The following CELF4 variants were observed in gnomAD, a reference collection of about 807,000 sequenced individuals.
The protein encoded by CELF4 is CUGBP Elav-like family member 4, also known as CUG-BP- and ETR-3-like factor 4.
In CELF4, 18 loss-of-function variants were observed where a neutral mutation model predicts 59.9. The ratio of observed to expected loss-of-function variants is 0.30; its 90% CI spans 0.21 to 0.45. CELF4 has a LOEUF of 0.45. Ranked by LOEUF, CELF4 falls within the 20% of genes least tolerant of loss-of-function variation. The probability of loss-of-function intolerance (pLI) is 1.00; values close to 1 mark genes in which losing one functional copy is unlikely to be tolerated. For synonymous variants in CELF4, 261 were observed against 267.1 expected (o/e 0.98, Z 0.22); for missense variants, 456 against 689.0 (o/e 0.66, Z 3.79).
At chr18:37,470,877 T>TGAGAGAGA (rs1569569550) in intron 2 of CELF4, among the ~76,000 whole-genome samples, 3 of 96,990 alleles carry the variant, frequency 3.1e-5, no homozygotes, top group Non-Finnish European at 6.3e-5. Flanking sequence ...TGTGTGTGTG[T>TGAGAGAGA]GTGTGTGTGT....
At chr18:37,527,447 G>GTAAAC (rs2099965184) in intron 1 of CELF4, among the ~76,000 whole-genome samples, 2 of 151,976 alleles carry the variant, frequency 1.3e-5, no homozygotes, top group African/African-American at 4.8e-5. Flanking sequence ...AAGAAGTTGG[G>GTAAAC]GTAATCAAGG....
chr18:37,535,685 C>T lies in CELF4; in HGVS notation c.286+29671G>A, dbSNP rs150662289. ...ATAGTAAGCAGCCACGTTCTGAACA[C>T]GGGATTCAAGCCAGCCCTGAGCACC... On this transcript the variant is annotated intron_variant, in intron 1 of 12. Transcript: ENST00000420428. Among the ~76,000 whole-genome samples the T allele has an allele frequency of 5.0e-3, 754 of 152,228 alleles. 15 individuals carry two copies. The highest frequency in any genetic ancestry group is 0.043 in the South Asian group (208 of 4,812).
intron 2 of CELF4, among the ~76,000 whole-genome samples, chr18:37,479,761 A>T (rs977809300): frequency 6.6e-6 from 1 of 152,104 alleles, no homozygotes; most frequent in Non-Finnish European, 1.5e-5. Context: ...TTCCCCTCAC[A>T]AGATGCTGAA....
intron 2 of CELF4, among the ~76,000 whole-genome samples, chr18:37,334,193 C>T (rs1450651788): frequency 1.3e-5 from 2 of 152,208 alleles, no homozygotes; most frequent in Non-Finnish European, 1.5e-5. Context: ...TTTCTAGCCC[C>T]AACTCATCTC....
rs554856655 is a variant in CELF4, at chr18:37,434,415, G to T, written c.369+51110C>A. Among the ~76,000 whole-genome samples the T allele has an allele frequency of 1.8e-3, 270 of 152,296 alleles. 2 individuals carry two copies. Among genetic ancestry groups the T allele is most frequent in the Middle Eastern group, 6.8e-3 (2 of 294 alleles). ...CCGGAAGCCCAGAGCTAATTCTGCG[G>T]CTTGTTGGTCAGGGGCTGGTACCAG... On this transcript the variant is annotated intron_variant, in intron 2 of 12. Transcript: ENST00000420428.
intron 1 of CELF4, among the ~76,000 whole-genome samples, chr18:37,520,353 G>A (rs770163260): frequency 5.3e-5 from 8 of 152,162 alleles, no homozygotes; most frequent in Non-Finnish European, 1.0e-4. Context: ...GAAGGCGTGA[G>A]TTAAATAGGG....
intron 11 of CELF4, among the ~76,000 whole-genome samples, chr18:37,255,761 C>G (rs564340901): frequency 2.3e-4 from 35 of 152,136 alleles, no homozygotes; most frequent in Non-Finnish European, 3.7e-4. Flanking sequence ...GACAAGGTAG[C>G]CTGACTATGG....
At chr18:37,273,984 C>CA (rs1398416758) in intron 6 of CELF4, 6 of 1,173,172 alleles carry the variant, frequency 5.1e-6, no homozygotes, top group Non-Finnish European at 5.3e-6. Flanking sequence ...CTCACCCTCT[C>CA]ATCTGTGCTT....
At chr18:37,338,439 G>A (rs559854058) in intron 2 of CELF4, among the ~76,000 whole-genome samples, 61 of 142,758 alleles carry the variant, frequency 4.3e-4, no homozygotes, top group African/African-American at 1.8e-3. Flanking sequence ...CTCTGTCACT[G>A]TCACCACTGT....
At chr18:37,264,392 C>G (rs149868155) in intron 10 of CELF4, among the ~76,000 whole-genome samples, 3 of 152,258 alleles carry the variant, frequency 2.0e-5, no homozygotes, top group African/African-American at 7.2e-5. Flanking sequence ...AGGAAAGGTG[C>G]CTCGTGTGGG....
chr18:37,275,289 G>T, intron 3 of CELF4, 46 bp from the exon 4 acceptor site: 1 of 1,609,488 alleles, frequency 6.2e-7, no homozygotes, highest in East Asian at 2.2e-5. Context: ...GGACCGGGCT[G>T]CGCGGGAGCA....
chr18:37,331,839 G>A (rs1273315294), intron 2 of CELF4, among the ~76,000 whole-genome samples: 2 of 152,222 alleles, frequency 1.3e-5, no homozygotes, highest in South Asian at 2.1e-4. Flanking sequence ...GCAAGTCGCC[G>A]AGGGTGGGAG....
At chr18:37,554,240 G>T (rs1452146854) in intron 1 of CELF4, among the ~76,000 whole-genome samples, 2 of 152,192 alleles carry the variant, frequency 1.3e-5, no homozygotes, top group African/African-American at 4.8e-5. Context: ...GGAAGGCTGG[G>T]TTGTGTGCAC....
chr18:37,248,870 G>GT (rs2063678375), intron 12 of CELF4, among the ~76,000 whole-genome samples: 1 of 151,424 alleles, frequency 6.6e-6, no homozygotes, highest in African/African-American at 2.4e-5. Flanking sequence ...CAAGGCCTGT[G>GT]TGCCAGGTTG....
At chr18:37,310,893 C>T (rs72883677) in intron 3 of CELF4, among the ~76,000 whole-genome samples, 28,309 of 152,148 alleles carry the variant, frequency 0.19, 2,986 homozygotes, top group Middle Eastern at 0.25. Context: ...CTCTCCTCCA[C>T]GCTCACATAG....
At chr18:37,442,397 G>C (rs939334251) in intron 2 of CELF4, among the ~76,000 whole-genome samples, 7 of 152,152 alleles carry the variant, frequency 4.6e-5, no homozygotes, top group African/African-American at 1.7e-4. Flanking sequence ...TTAAAAACTA[G>C]ATCTCAGAAA....
At chr18:37,407,816 C>T (rs1385352028) in intron 2 of CELF4, among the ~76,000 whole-genome samples, 1 of 152,094 alleles carries the variant, frequency 6.6e-6, no homozygotes, top group African/African-American at 2.4e-5. Flanking sequence ...TATTGGATTC[C>T]ATTCTGGTCC....
intron 2 of CELF4, among the ~76,000 whole-genome samples, chr18:37,424,766 C>T (rs537185151): frequency 9.9e-5 from 15 of 152,256 alleles, no homozygotes; most frequent in African/African-American, 3.4e-4. Context: ...TCCCCCTACC[C>T]TTCTCACTCA....
intron 1 of CELF4, among the ~76,000 whole-genome samples, chr18:37,555,704 C>T (rs2099984573): frequency 6.6e-6 from 1 of 152,178 alleles, no homozygotes; most frequent in African/African-American, 2.4e-5. Flanking sequence ...AACTGAATCA[C>T]TCTGGGCTGG....
Sources: gnomAD v4.1 joint callset for allele counts (sites outside exome capture counted in the v4.1 genomes callset) on GRCh38, gnomAD v4.1.1 for gene constraint, MANE v1.5 for transcripts, NCBI Gene and HGNC (gene_info 2026-07-23, HGNC 2026-07-21) for gene names.